VWDE: variants seen among roughly 807,000 people sequenced by gnomAD.
VWDE encodes von Willebrand factor D and EGF domains, also known as von Willebrand factor D and EGF domain-containing protein.
Under a neutral mutation model 178.4 loss-of-function variants are expected in VWDE, and 207 were observed. The observed-to-expected ratio is 1.16, with a 90% CI of 1.04 to 1.30. VWDE has a LOEUF of 1.30. Among genes scored for constraint, VWDE ranks in the 50% most tolerant of loss-of-function variants. The pLI, the probability that VWDE is intolerant of heterozygous loss-of-function variation, is 0.00. For synonymous variants in VWDE, 738 were observed against 651.4 expected, an observed-to-expected ratio of 1.13 and a Z score of -2.02; for missense variants, 2,287 against 1,901.3, an observed-to-expected ratio of 1.20 and a Z score of -3.77.
Position 12,330,907 on chromosome 7 carries a change from T to C in VWDE, c.*276A>G, listed in dbSNP as rs2287067. 76,893 of 342,082 alleles carry C rather than the reference T, an allele frequency of 0.22. 11,295 individuals are homozygous for C. Among genetic ancestry groups the C allele is most frequent in the African/African-American group, 0.51 (23,658 of 46,122 alleles). 21.2% of individuals were successfully genotyped at this position (342,082 alleles called of 1,614,324 possible). The stretch of plus-strand genomic sequence containing the variant: ...CAGTTAGGGCTGAGAAAATATTCAG[T>C]TTATTAAATATTGTGAATGGGTGGA... On this transcript the variant is annotated 3_prime_UTR_variant, in exon 29 of 29. Transcript: ENST00000275358.
chr7:12,380,072 C>G (rs1783760267), intron 5 of VWDE, among the ~76,000 whole-genome samples: 1 of 151,214 alleles, frequency 6.6e-6, no homozygotes, highest in Non-Finnish European at 1.5e-5. Flanking sequence ...CCACTGCACT[C>G]CAGCCTGGCG....
At chr7:12,368,563 A>G (rs929015237) in intron 12 of VWDE, among the ~76,000 whole-genome samples, 1 of 152,094 alleles carries the variant, frequency 6.6e-6, no homozygotes, top group African/African-American at 2.4e-5. Context: ...GAGCTGGGAG[A>G]AGAATGCTAG....
Position 12,357,761 on chromosome 7 carries a change from G to A in VWDE, c.3275-246C>T, listed in dbSNP as rs576753226. Among the ~76,000 whole-genome samples the A allele has an allele frequency of 2.0e-5, 3 of 152,078 alleles. No individual in the cohort carries two copies. In the East Asian group the frequency reaches 5.8e-4, roughly 30 times the overall value. On this transcript the variant is annotated intron_variant, in intron 16 of 28. Transcript: ENST00000275358. ...AAAGTATGAAATCACTTTGGATACA[G>A]CACAGAATATATAAATACCCATGCA...
rs1475044967 is a variant in VWDE at position 12,337,176 on chromosome 7, C to T, written c.4462+1G>A. The T allele has an allele frequency of 8.4e-6, 13 of 1,551,518 alleles. No homozygotes were observed. In the East Asian group the frequency reaches 2.7e-4, roughly 32 times the overall value. On this transcript the variant is annotated splice_donor_variant, in intron 25 of 28. Coordinates refer to ENST00000275358, the MANE Select transcript of VWDE (RefSeq NM_001135924.3). LOFTEE classifies it high-confidence loss of function. The stretch of plus-strand genomic sequence containing the variant: ...GACAAATACATTTAGTGATGTCTTA[C>T]TTTTTTGGAATCTCCTACCAGTGTA...
At position 12,397,507 on chromosome 7, in the gene VWDE, C is replaced by G. The variant is rs779949525; in HGVS notation, c.59-3729G>C. Among the ~76,000 whole-genome samples, 82 of 152,002 alleles carry G rather than the reference C, an allele frequency of 5.4e-4. 2 individuals carry two copies. The highest frequency in any genetic ancestry group is 5.9e-4 in the Non-Finnish European group (40 of 67,978). Reference sequence around the variant, plus strand: ...AGGAAGTACCTTTCTGGACATGGGCCTTGGCAAAGAACTTATGACTAAGTT... The same window carrying G: ...AGGAAGTACCTTTCTGGACATGGGCGTTGGCAAAGAACTTATGACTAAGTT... On this transcript the variant is annotated intron_variant, in intron 1 of 28. Transcript: ENST00000275358.
At position 12,331,812 on chromosome 7, in the gene VWDE, G is replaced by T. The variant is rs117352251; in HGVS notation, c.4759-615C>A. Among the ~76,000 whole-genome samples, 55 of 152,266 alleles carry T rather than the reference G, an allele frequency of 3.6e-4. No homozygotes were observed. In the East Asian group the frequency reaches 9.7e-3, roughly 27 times the overall value. On this transcript the variant is annotated intron_variant, in intron 28 of 28. Transcript: ENST00000275358. The stretch of plus-strand genomic sequence containing the variant: ...TCAGAGTGAGTGCACTCAGCCACAA[G>T]CAGGAGGTTATGATGCTTCTCAAAG...
intron 13 of VWDE, among the ~76,000 whole-genome samples, chr7:12,366,859 T>C (rs547543584): frequency 6.6e-6 from 1 of 152,214 alleles, no homozygotes; most frequent in East Asian, 1.9e-4. Context: ...ATACTAACGT[T>C]CAAACTGATC....
intron 3 of VWDE, among the ~76,000 whole-genome samples, 200 bp from the exon 4 acceptor site, chr7:12,383,801 A>G (rs1783970224): frequency 6.6e-6 from 1 of 152,126 alleles, no homozygotes; most frequent in Admixed American, 6.6e-5. Flanking sequence ...AAAACAATCA[A>G]AGCTTTAATA....
rs111243832 is a variant in VWDE, at chr7:12,388,062, A to G, written c.475+1065T>C. ...CGAATCTGAATTTTTCAATTTTCCCAATCAGGATATCCCATTGCATTATTC... is the reference window on the plus strand; with the variant it reads ...CGAATCTGAATTTTTCAATTTTCCCGATCAGGATATCCCATTGCATTATTC... On this transcript the variant is annotated intron_variant, in intron 3 of 28. Transcript: ENST00000275358. Among the ~76,000 whole-genome samples, 124 of 152,250 alleles carry G rather than the reference A, an allele frequency of 8.1e-4. 2 individuals are homozygous for G. The East Asian group carries it at 9.2e-3, about 11-fold the overall frequency.
chr7:12,373,922 T>G (rs1783359680), intron 9 of VWDE, among the ~76,000 whole-genome samples: 1 of 152,182 alleles, frequency 6.6e-6, no homozygotes, highest in Admixed American at 6.6e-5. Context: ...CTTCAGGTTC[T>G]TAACACCTGT....
chr7:12,391,490 C>G (rs1368902434), intron 2 of VWDE, among the ~76,000 whole-genome samples: 1 of 152,164 alleles, frequency 6.6e-6, no homozygotes, highest in East Asian at 1.9e-4. Flanking sequence ...CCTACACATT[C>G]GTGTGAGGTT....
intron 18 of VWDE, among the ~76,000 whole-genome samples, chr7:12,352,941 G>A (rs1327994415): frequency 1.3e-5 from 2 of 152,052 alleles, no homozygotes; most frequent in African/African-American, 4.8e-5. Context: ...CTATGACATA[G>A]CTGATTATTC....
chr7:12,340,501 TAATGA>T (rs1184955636), intron 23 of VWDE, 84 bp from the exon 24 acceptor site: 1 of 933,694 alleles, frequency 1.1e-6, no homozygotes, highest in Non-Finnish European at 1.6e-6. Context: ...AAATGGTGCA[TAATGA>T]AATATTTTAT....
chr7:12,380,689 C>G lies in VWDE; in HGVS notation c.586G>C (p.Glu196Gln). The G allele has an allele frequency of 6.4e-7, 1 of 1,551,958 alleles. No homozygotes were observed. Among genetic ancestry groups the G allele is most frequent in the Non-Finnish European group, 8.7e-7 (1 of 1,147,030 alleles). ...GACTCAATCAACTCCACCAGAACCTCTGGCCTTCCTGCAGGTGGAGGTGGC... is the reference window on the plus strand; with the variant it reads ...GACTCAATCAACTCCACCAGAACCTGTGGCCTTCCTGCAGGTGGAGGTGGC... ...SLPPPPAGRP[E>Q]VLVELIESRL... The change falls in exon 5 of 29, where the codon GAG becomes CAG. Residue 196 changes from glutamate to glutamine, a missense_variant. Transcript: ENST00000275358.
Position 12,373,218 on chromosome 7 carries a change from A to G in VWDE, c.1346T>C (p.Phe449Ser), listed in dbSNP as rs1475772624. Residue 449 changes from phenylalanine to serine, a missense_variant, in exon 10 of 29, where the codon TTT (phenylalanine) becomes TCT (serine). Phe to Ser is a radical substitution (Grantham distance 155). Coordinates refer to ENST00000275358, the MANE Select transcript of VWDE (RefSeq NM_001135924.3). The stretch of plus-strand genomic sequence containing the variant: ...ACGTGACATACTCTTATAAAGCACA[A>G]ATGTTCCAGTCTTGAAATTATCATA... ...RVYDNFKTGT[F>S]VLYKSMSRDF... The G allele has an allele frequency of 1.0e-5, 16 of 1,551,320 alleles. No individual in the cohort carries two copies. Among genetic ancestry groups the G allele is most frequent in the Non-Finnish European group, 1.3e-5 (15 of 1,146,754 alleles).
At chr7:12,359,169 T>C (rs1298718915) in intron 16 of VWDE, among the ~76,000 whole-genome samples, 1 of 152,146 alleles carries the variant, frequency 6.6e-6, no homozygotes, top group Non-Finnish European at 1.5e-5. Context: ...TATCTCAAAA[T>C]TATCTGTACC....
intron 1 of VWDE, among the ~76,000 whole-genome samples, chr7:12,398,227 A>C (rs1583361147): frequency 6.6e-6 from 1 of 152,306 alleles, no homozygotes; most frequent in East Asian, 1.9e-4. Flanking sequence ...ATTGTCCCAC[A>C]GAACTGATCT....
At chr7:12,399,339 C>T (rs1365346568) in intron 1 of VWDE, among the ~76,000 whole-genome samples, 2 of 152,110 alleles carry the variant, frequency 1.3e-5, no homozygotes, top group Non-Finnish European at 1.5e-5. Flanking sequence ...ACAAGAGGGA[C>T]ACTTTATAAT....
At chr7:12,349,988 T>C (rs181152176) in intron 19 of VWDE, among the ~76,000 whole-genome samples, 10 of 151,946 alleles carry the variant, frequency 6.6e-5, no homozygotes, top group Non-Finnish European at 2.9e-5. Context: ...TTGATGGAAA[T>C]AGAAAAACAA....
Sources: allele counts gnomAD v4.1 joint callset (sites outside exome capture counted in the v4.1 genomes callset), GRCh38; gene constraint gnomAD v4.1.1; transcripts MANE v1.5; gene names NCBI Gene and HGNC (gene_info 2026-07-23, HGNC 2026-07-21).